BNC2: variants seen among roughly 807,000 people sequenced by gnomAD.
The protein encoded by BNC2 is basonuclin zinc finger protein 2.
A neutral mutation model predicts 76.3 loss-of-function variants in BNC2; 20 were observed. That is an observed-to-expected ratio of 0.26 (90% CI 0.18 to 0.38). The LOEUF (loss-of-function observed/expected upper bound fraction) is 0.38, where lower values mean the gene tolerates loss of function less well. BNC2 is among the 10% of genes least tolerant of loss of function. The pLI is 1.00. For synonymous variants in BNC2, 582 were observed against 514.8 expected (o/e 1.13, Z -1.77); for missense variants, 1,382 against 1,399.8 (o/e 0.99, Z 0.20).
intron 1 of BNC2, among the ~76,000 whole-genome samples, chr9:16,777,898 A>T (rs1456621244): frequency 6.6e-6 from 1 of 152,180 alleles, no homozygotes; most frequent in East Asian, 1.9e-4. Flanking sequence ...AATTATATAC[A>T]TTCCATGTTA....
chr9:16,653,584 T>C (rs954448641), intron 3 of BNC2, among the ~76,000 whole-genome samples: 4 of 151,902 alleles, frequency 2.6e-5, no homozygotes, highest in Admixed American at 6.6e-5. Context: ...GGGGAAGTGT[T>C]TGGGAAACAG....
chr9:16,793,981 C>G (rs915216615), intron 1 of BNC2, among the ~76,000 whole-genome samples: 1 of 150,474 alleles, frequency 6.6e-6, no homozygotes, highest in African/African-American at 2.4e-5. Context: ...GGATTACAGG[C>G]GTGAGCCACC....
At chr9:16,756,532 T>C (rs1825388193) in intron 1 of BNC2, among the ~76,000 whole-genome samples, 1 of 152,218 alleles carries the variant, frequency 6.6e-6, no homozygotes, top group Admixed American at 6.5e-5. Flanking sequence ...TCCAAAATCA[T>C]TTAAGAGGAC....
intron 1 of BNC2, among the ~76,000 whole-genome samples, chr9:16,864,266 G>T (rs1819483871): frequency 6.6e-6 from 1 of 152,048 alleles, no homozygotes; most frequent in Non-Finnish European, 1.5e-5. Flanking sequence ...TGACATCTAT[G>T]AAATATCTTT....
chr9:16,802,097 GA>G (rs1183377318), intron 1 of BNC2, among the ~76,000 whole-genome samples: 1 of 152,046 alleles, frequency 6.6e-6, no homozygotes, highest in Non-Finnish European at 1.5e-5. Context: ...TTTTCTCAAA[GA>G]AAAAAACATA....
intron 1 of BNC2, among the ~76,000 whole-genome samples, chr9:16,812,791 AAAAAT>A (rs1273685082): frequency 6.6e-6 from 1 of 152,250 alleles, no homozygotes; most frequent in African/African-American, 2.4e-5. Context: ...GTTAAGCAAC[AAAAAT>A]AAAATAAAAA....
chr9:16,575,293 G>A, intron 4 of BNC2: 2 of 985,404 alleles, frequency 2.0e-6, no homozygotes, highest in Non-Finnish European at 2.4e-6. Flanking sequence ...ATACAGCTCT[G>A]TGTGTTTCAT....
Position 16,494,546 on chromosome 9 carries a change from G to A in BNC2, c.670-57022C>T, listed in dbSNP as rs1407697896. Reference sequence around the variant, plus strand: ...GCTGAAAATTCAGATACAGCAGTCAGGGCAAGAGTCATTGAGATGAGTTCT... The same window carrying A: ...GCTGAAAATTCAGATACAGCAGTCAAGGCAAGAGTCATTGAGATGAGTTCT... On this transcript the variant is annotated intron_variant, in intron 5 of 6. Coordinates refer to ENST00000380672, the MANE Select transcript of BNC2 (RefSeq NM_017637.6). Among the ~76,000 whole-genome samples, 4 of 152,266 alleles carry A rather than the reference G, an allele frequency of 2.6e-5. No homozygotes were observed. The East Asian group carries it at 5.8e-4, about 22-fold the overall frequency.
intron 1 of BNC2, among the ~76,000 whole-genome samples, chr9:16,791,316 C>G (rs1201965290): frequency 6.6e-6 from 1 of 152,146 alleles, no homozygotes. Context: ...CTGCCTCGGC[C>G]TCCCAAAGTG....
intron 5 of BNC2, among the ~76,000 whole-genome samples, chr9:16,459,760 A>C (rs1304035707): frequency 3.3e-5 from 5 of 152,204 alleles, no homozygotes; most frequent in African/African-American, 9.7e-5. Flanking sequence ...AGTCTAGTGG[A>C]AAGTTGGGGC....
chr9:16,769,271 T>G (rs1369025140), intron 1 of BNC2, among the ~76,000 whole-genome samples: 1 of 152,218 alleles, frequency 6.6e-6, no homozygotes, highest in Non-Finnish European at 1.5e-5. Flanking sequence ...GGACCACGTC[T>G]GTTCGTGTCA....
chr9:16,503,092 C>A (rs760097443), intron 5 of BNC2, among the ~76,000 whole-genome samples: 11 of 152,002 alleles, frequency 7.2e-5, no homozygotes, highest in Non-Finnish European at 1.2e-4. Context: ...AGAGAAATTG[C>A]GCACAGTTTG....
intron 5 of BNC2, among the ~76,000 whole-genome samples, chr9:16,472,884 A>G (rs561657647): frequency 6.6e-6 from 1 of 152,234 alleles, no homozygotes; most frequent in East Asian, 1.9e-4. Context: ...AAGTCAGTGG[A>G]CATTTGAAAA....
At chr9:16,498,828 T>C (rs1016650500) in intron 5 of BNC2, among the ~76,000 whole-genome samples, 4 of 152,136 alleles carry the variant, frequency 2.6e-5, no homozygotes, top group African/African-American at 9.7e-5. Context: ...CCACTGATTC[T>C]AAATCCTATT....
At chr9:16,544,809 CAAA>C (rs60198484) in intron 5 of BNC2, among the ~76,000 whole-genome samples, 7 of 82,574 alleles carry the variant, frequency 8.5e-5, no homozygotes, top group East Asian at 4.0e-4. Flanking sequence ...GACTCCACCT[CAAA>C]AAAAAAAAAA....
intron 1 of BNC2, among the ~76,000 whole-genome samples, chr9:16,860,559 T>A (rs1470062759): frequency 1.3e-5 from 2 of 152,280 alleles, no homozygotes; most frequent in Non-Finnish European, 2.9e-5. Flanking sequence ...GATCTATGAA[T>A]CCACCCTGTG....
At chr9:16,695,736 G>A (rs1318397610) in intron 3 of BNC2, among the ~76,000 whole-genome samples, 1 of 151,928 alleles carries the variant, frequency 6.6e-6, no homozygotes, top group Non-Finnish European at 1.5e-5. Flanking sequence ...AGTCTCATCT[G>A]TCACGTACCT....
In BNC2 at chr9:16,805,822, T is replaced by G. The variant is rs115640270; in HGVS notation, c.3+64824A>C. On this transcript the variant is annotated intron_variant, in intron 1 of 6. Transcript: ENST00000380672. ...CTTAAAAATAAAATTCACTTAAATG[T>G]AAAACACAGATGGGAATGTGAAAAG... 6.8e-3 allele frequency among the ~76,000 whole-genome samples: 1,038 copies of G among 152,274 alleles called. 15 individuals carry two copies. Among genetic ancestry groups the G allele is most frequent in the African/African-American group, 0.024 (978 of 41,564 alleles).
chr9:16,493,834 G>A (rs10962453), intron 5 of BNC2, among the ~76,000 whole-genome samples: 3,438 of 152,262 alleles, frequency 0.023, 55 homozygotes, highest in South Asian at 0.038. Context: ...AATAGATGCA[G>A]CAGTAAGTAG....
Sources: allele counts gnomAD v4.1 joint callset (sites outside exome capture counted in the v4.1 genomes callset), GRCh38; gene constraint gnomAD v4.1.1; transcripts MANE v1.5; gene names NCBI Gene and HGNC (gene_info 2026-07-23, HGNC 2026-07-21).